LRRIQ3: variants seen among roughly 807,000 people sequenced by gnomAD.
LRRIQ3 encodes leucine-rich repeat and IQ domain-containing protein 3.
LRRIQ3 carries 75 observed loss-of-function variants against 59.3 expected under a neutral mutation model. The ratio of observed to expected loss-of-function variants is 1.26; its 90% CI spans 1.05 to 1.53. LRRIQ3 has a LOEUF of 1.53. Ranked by LOEUF, LRRIQ3 falls within the 40% of genes most tolerant of loss-of-function variation. The probability of loss-of-function intolerance (pLI) is 0.00; values close to 1 mark genes in which losing one functional copy is unlikely to be tolerated. For synonymous variants in LRRIQ3, 250 were observed against 231.3 expected, an observed-to-expected ratio of 1.08 and a Z score of -0.73; for missense variants, 831 against 710.0, an observed-to-expected ratio of 1.17 and a Z score of -1.94.
At chr1:74,049,733 T>C (rs1178470499) in intron 6 of LRRIQ3, among the ~76,000 whole-genome samples, 2 of 152,142 alleles carry the variant, frequency 1.3e-5, no homozygotes, top group Non-Finnish European at 2.9e-5. Flanking sequence ...AACATTTTCC[T>C]AATTCAACGT....
intron 4 of LRRIQ3, among the ~76,000 whole-genome samples, chr1:74,154,650 G>A (rs1280426474): frequency 6.6e-6 from 1 of 152,110 alleles, no homozygotes; most frequent in East Asian, 1.9e-4. Context: ...CTAAAAACAA[G>A]ACCCTTTAAT....
intron 6 of LRRIQ3, among the ~76,000 whole-genome samples, chr1:74,055,605 A>G (rs1407317560): frequency 2.0e-5 from 3 of 152,010 alleles, no homozygotes; most frequent in African/African-American, 4.8e-5. Flanking sequence ...TTTTTTACTT[A>G]CTGGTTGATG....
intron 3 of LRRIQ3, among the ~76,000 whole-genome samples, chr1:74,179,076 T>C (rs918695071): frequency 6.6e-6 from 1 of 152,120 alleles, no homozygotes; most frequent in African/African-American, 2.4e-5. Context: ...TGGATTTCTA[T>C]TACATGTAAA....
chr1:74,101,209 C>T (rs907251678), intron 5 of LRRIQ3, among the ~76,000 whole-genome samples: 1 of 151,946 alleles, frequency 6.6e-6, no homozygotes, highest in Non-Finnish European at 1.5e-5. Context: ...AACAAACTTA[C>T]AAGAAAAAAA....
chr1:74,041,906 T>C lies in LRRIQ3; in HGVS notation c.1025A>G (p.Asp342Gly), dbSNP rs1242791691. The change falls in exon 7 of 8, where the codon GAT becomes GGT. Residue 342 changes from aspartate to glycine, a missense_variant. Physicochemically the swap from Asp to Gly is moderately conservative, Grantham distance 94 (BLOSUM62 -1). Transcript: ENST00000354431. ...KGQESEDEIV[D>G]EKLDTSFRIS... The stretch of plus-strand genomic sequence containing the variant: ...CCTAAAACTGGTATCCAATTTTTCA[T>C]CCACAATTTCATCTTCAGACTCCTG... 8.1e-6 allele frequency: 13 copies of C among 1,605,670 alleles called. No individual in the cohort carries two copies. Among genetic ancestry groups the C allele is most frequent in the African/African-American group, 1.3e-5 (1 of 74,786 alleles).
chr1:74,039,956 T>C (rs561193240), intron 7 of LRRIQ3, among the ~76,000 whole-genome samples: 171 of 152,254 alleles, frequency 1.1e-3, no homozygotes, highest in African/African-American at 4.0e-3. Flanking sequence ...AAAGTGTAAA[T>C]GGGCTAAATG....
In LRRIQ3 at chr1:74,082,351, C is replaced by T. The variant is rs187998756; in HGVS notation, c.868-7561G>A. ...AATATTTTCAATTTATAAATCTAAT[C>T]ATTTTAATGAAAGAGACATACGTAT... On this transcript the variant is annotated intron_variant, in intron 5 of 7. Transcript: ENST00000354431. 1.7e-3 allele frequency: 260 copies of T among 151,524 alleles called. 1 individual carries two copies. Among genetic ancestry groups the T allele is most frequent in the African/African-American group, 6.0e-3 (248 of 41,460 alleles). The allele number at this position is 151,524 out of a possible 1,614,324, so 9.4% of individuals were successfully genotyped here.
intron 3 of LRRIQ3, among the ~76,000 whole-genome samples, chr1:74,169,322 G>A (rs917804819): frequency 2.6e-5 from 4 of 151,876 alleles, no homozygotes; most frequent in South Asian, 4.2e-4. Flanking sequence ...TCATCTCTCC[G>A]TGAACGTGCA....
At chr1:74,105,400 T>G (rs963182799) in intron 5 of LRRIQ3, among the ~76,000 whole-genome samples, 1 of 151,710 alleles carries the variant, frequency 6.6e-6, no homozygotes, top group Non-Finnish European at 1.5e-5. Flanking sequence ...TTCAGGAGTA[T>G]ACAATCATGC....
intron 3 of LRRIQ3, among the ~76,000 whole-genome samples, chr1:74,163,059 T>C (rs1269443000): frequency 1.3e-5 from 2 of 151,640 alleles, no homozygotes; most frequent in Admixed American, 6.6e-5. Flanking sequence ...ACTATGCTGA[T>C]TGGATCACTA....
intron 4 of LRRIQ3, among the ~76,000 whole-genome samples, chr1:74,145,699 G>GAATTACTAAT (rs1647525688): frequency 6.6e-6 from 1 of 151,912 alleles, no homozygotes; most frequent in East Asian, 1.9e-4. Context: ...AAAATATAAT[G>GAATTACTAAT]AATTACTAAT....
At chr1:74,085,171 T>C (rs1646313624) in intron 5 of LRRIQ3, among the ~76,000 whole-genome samples, 2 of 151,816 alleles carry the variant, frequency 1.3e-5, no homozygotes, top group African/African-American at 4.8e-5. Flanking sequence ...ACAAAATATA[T>C]GAAAATGATT....
intron 3 of LRRIQ3, among the ~76,000 whole-genome samples, chr1:74,166,369 T>C (rs759024877): frequency 6.6e-5 from 10 of 151,762 alleles, no homozygotes; most frequent in Non-Finnish European, 1.5e-4. Flanking sequence ...ATTATTATTC[T>C]GTTAACATTT....
At chr1:74,070,121 G>A (rs1570063873) in intron 6 of LRRIQ3, among the ~76,000 whole-genome samples, 2 of 151,918 alleles carry the variant, frequency 1.3e-5, no homozygotes, top group African/African-American at 4.8e-5. Flanking sequence ...TCCATTATTG[G>A]ACATTGGACA....
At chr1:74,052,236 TCTAA>T (rs1216958889) in intron 6 of LRRIQ3, among the ~76,000 whole-genome samples, 2 of 152,078 alleles carry the variant, frequency 1.3e-5, no homozygotes, top group African/African-American at 4.8e-5. Flanking sequence ...GTGCTTTGGA[TCTAA>T]CTTTCTCTTT....
intron 7 of LRRIQ3, among the ~76,000 whole-genome samples, chr1:74,037,014 T>C (rs1241321171): frequency 1.9e-4 from 29 of 152,228 alleles, no homozygotes. Context: ...TGCTTCTTAT[T>C]CTAAATGACT....
intron 5 of LRRIQ3, chr1:74,083,645 C>T (rs1646296564): frequency 6.6e-6 from 1 of 151,598 alleles, no homozygotes; most frequent in African/African-American, 2.4e-5. Flanking sequence ...GTCATGCTGC[C>T]TAAATAAGTT....
At chr1:74,111,289 T>C (rs1172844832) in intron 4 of LRRIQ3, among the ~76,000 whole-genome samples, 1 of 151,872 alleles carries the variant, frequency 6.6e-6, no homozygotes, top group East Asian at 1.9e-4. Context: ...ACAAAATATA[T>C]AATAAGTAAA....
intron 5 of LRRIQ3, among the ~76,000 whole-genome samples, chr1:74,075,283 T>G (rs1646192021): frequency 6.6e-6 from 1 of 151,968 alleles, no homozygotes; most frequent in Non-Finnish European, 1.5e-5. Context: ...AAACTACAAA[T>G]GGGCCAGGCA....
Sources: allele counts gnomAD v4.1 joint callset (sites outside exome capture counted in the v4.1 genomes callset), GRCh38; gene constraint gnomAD v4.1.1; transcripts MANE v1.5; gene names NCBI Gene and HGNC (gene_info 2026-07-23, HGNC 2026-07-21).